Variants in NPNT observed in about 807,000 individuals in gnomAD.
The protein encoded by NPNT is nephronectin.
A neutral mutation model predicts 68.6 loss-of-function variants in NPNT; 45 were observed. The observed-to-expected ratio is 0.66, with a 90% CI of 0.52 to 0.84. The LOEUF is 0.84. NPNT is among the 40% of genes least tolerant of loss of function. NPNT has a pLI of 0.00. For synonymous variants in NPNT, 233 were observed against 253.3 expected, an observed-to-expected ratio of 0.92 and a Z score of 0.76; for missense variants, 672 against 714.8, an observed-to-expected ratio of 0.94 and a Z score of 0.68.
In NPNT at chr4:105,968,986, G is replaced by A. The variant is rs140913892; in HGVS notation, c.1694G>A (p.Arg565His). 1.8e-4 allele frequency: 284 copies of A among 1,556,726 alleles called. 2 individuals carry two copies. In the East Asian group the frequency reaches 5.7e-3, roughly 31 times the overall value. Residue 565 changes from arginine to histidine, a missense_variant, in exon 12 of 12, where the codon CGC becomes CAC. By Grantham distance (29) the Arg-to-His change is conservative. Transcript: ENST00000379987. ...SLKKGHCSEER is the reference protein window; with the variant it reads ...SLKKGHCSEEH ...AAAAAAGGCCACTGCTCTGAAGAAC[G>A]CTAACAACTCCAGAACTAACAATGA... is the stretch of plus-strand genomic sequence containing the variant.
At chr4:105,902,942 G>T (rs1044069770) in intron 2 of NPNT, 2 of 151,984 alleles carry the variant, frequency 1.3e-5, no homozygotes, top group African/African-American at 2.4e-5. Context: ...GCTTAATCTG[G>T]CCAGGTCTTA....
chr4:105,967,259 G>T lies in NPNT; in HGVS notation c.1417G>T (p.Gly473Cys), dbSNP rs35613262. 6.2e-7 allele frequency: 1 copy of T among 1,613,974 alleles called. No homozygotes were observed. The highest frequency in any genetic ancestry group is 8.5e-7 in the Non-Finnish European group (1 of 1,180,010). The part of the protein sequence containing the change: ...GKAARLVLPL[G>C]RLMHSGDLCL... ...AGCTGCACGCTTGGTGCTACCTCTCGGCCGCCTCATGCATTCAGGGGACCT... is the reference window on the plus strand; with the variant it reads ...AGCTGCACGCTTGGTGCTACCTCTCTGCCGCCTCATGCATTCAGGGGACCT... The change falls in exon 11 of 12, where the codon GGC (glycine) becomes TGC (cysteine). Residue 473 changes from glycine (G) to cysteine (C), a missense_variant. Physicochemically the swap from Gly to Cys is radical, Grantham distance 159 (BLOSUM62 -3). Coordinates refer to ENST00000379987, the MANE Select transcript of NPNT (RefSeq NM_001033047.3).
At chr4:105,929,443 C>A (rs913234795) in intron 3 of NPNT, 2 of 152,180 alleles carry the variant, frequency 1.3e-5, no homozygotes, top group African/African-American at 4.8e-5. Flanking sequence ...TGTTTTCTCT[C>A]TAATACTCTT....
intron 2 of NPNT, among the ~76,000 whole-genome samples, chr4:105,898,328 G>GTCTCTCTC (rs66945682): frequency 0.017 from 911 of 53,852 alleles, 81 homozygotes; most frequent in South Asian, 0.022. Context: ...CTCTCTCTCT[G>GTCTCTCTC]TCTCTCTCTC....
chr4:105,902,540 T>C (rs1415219189), intron 2 of NPNT, among the ~76,000 whole-genome samples: 1 of 152,204 alleles, frequency 6.6e-6, no homozygotes, highest in Non-Finnish European at 1.5e-5. Flanking sequence ...GAGGTGAGAA[T>C]GCAGAATCTG....
Position 105,967,237 on chromosome 4 carries a change from T to C in NPNT, c.1395T>C (p.Ala465=), listed in dbSNP as rs1311627417. ...VSAAKAPGGK[A]ARLVLPLGRL... ...CAGCCAAAGCCCCAGGGGGAAAAGC[T>C]GCACGCTTGGTGCTACCTCTCGGCC... is the stretch of plus-strand genomic sequence containing the variant. The change falls in exon 11 of 12, where the codon GCT becomes GCC. Residue 465 remains alanine, a synonymous_variant. Coordinates refer to ENST00000379987, the MANE Select transcript of NPNT (RefSeq NM_001033047.3). 6 of 1,614,038 alleles carry C rather than the reference T, an allele frequency of 3.7e-6. No homozygotes were observed. Among genetic ancestry groups the C allele is most frequent in the Non-Finnish European group, 5.1e-6 (6 of 1,180,016 alleles).
rs766308266 is a variant in NPNT at position 105,942,583 on chromosome 4, C to A, written c.1040C>A (p.Pro347Gln). 5.6e-6 allele frequency: 9 copies of A among 1,613,894 alleles called. No homozygotes were observed. The highest frequency in any genetic ancestry group is 1.7e-5 in the Admixed American group (1 of 59,940). ...ELRTPLPPTTPERPTTGLTTI... is the reference protein window; with the variant it reads ...ELRTPLPPTTQERPTTGLTTI... Reference sequence around the variant, plus strand: ...AGAACACCTCTACCACCTACAACCCCAGAAAGGCCAACCACCGGACTGACA... The same window carrying A: ...AGAACACCTCTACCACCTACAACCCAAGAAAGGCCAACCACCGGACTGACA... Residue 347 changes from proline to glutamine, a missense_variant, in exon 8 of 12, where the codon CCA becomes CAA. Transcript: ENST00000379987.
At chr4:105,940,935 T>A (rs1005976971) in intron 7 of NPNT, among the ~76,000 whole-genome samples, 1 of 152,190 alleles carries the variant, frequency 6.6e-6, no homozygotes, top group African/African-American at 2.4e-5. Context: ...TTGCTTTTGT[T>A]AAAATTAGAA....
intron 2 of NPNT, among the ~76,000 whole-genome samples, chr4:105,914,519 C>G (rs555388864): frequency 9.9e-5 from 14 of 141,006 alleles, no homozygotes; most frequent in South Asian, 2.2e-4. Flanking sequence ...CAGCTATTAC[C>G]TGCATGATCC....
At chr4:105,912,850 T>G (rs973245378) in intron 2 of NPNT, among the ~76,000 whole-genome samples, 4 of 152,178 alleles carry the variant, frequency 2.6e-5, no homozygotes, top group African/African-American at 9.7e-5. Context: ...ATGGAATTGA[T>G]TCTAAGAAGA....
chr4:105,942,214 G>C, intron 7 of NPNT, 93 bp from the exon 8 acceptor site: 2 of 952,328 alleles, frequency 2.1e-6, no homozygotes, highest in South Asian at 3.5e-5. Flanking sequence ...AATGATACCA[G>C]TTGTCATTAG....
intron 10 of NPNT, 108 bp downstream of exon 10, chr4:105,959,234 TGATA>T: frequency 1.5e-6 from 1 of 685,364 alleles, no homozygotes; most frequent in East Asian, 2.7e-5. Context: ...TGTGTTTACT[TGATA>T]AAGATGGTCA....
intron 2 of NPNT, among the ~76,000 whole-genome samples, chr4:105,910,021 C>T (rs1727232710): frequency 6.6e-6 from 1 of 150,758 alleles, no homozygotes. Flanking sequence ...TAATTCTTTA[C>T]AGTAAATGAA....
chr4:105,940,596 A>C lies in NPNT; in HGVS notation c.723A>C (p.Lys241Asn). 6.2e-7 allele frequency: 1 copy of C among 1,613,546 alleles called. No individual in the cohort carries two copies. Among genetic ancestry groups the C allele is most frequent in the Non-Finnish European group, 8.5e-7 (1 of 1,179,522 alleles). The stretch of plus-strand genomic sequence containing the variant: ...ACATACGTGGGTCCTACAAGTGCAA[A>C]TGTAAAGAAGGATACCAGGGTGATG... ...CYNIRGSYKC[K>N]CKEGYQGDGL... The change falls in exon 7 of 12, where the codon AAA becomes AAC. Residue 241 changes from lysine (K) to asparagine (N), a missense_variant. Lys to Asn is a moderately conservative substitution (Grantham distance 94). Transcript: ENST00000379987.
intron 2 of NPNT, among the ~76,000 whole-genome samples, chr4:105,917,777 G>A (rs1727939183): frequency 6.6e-6 from 1 of 152,100 alleles, no homozygotes; most frequent in Non-Finnish European, 1.5e-5. Context: ...GGAGGTACTC[G>A]AGAGTGTATT....
At chr4:105,897,872 TATTTA>T in intron 1 of NPNT, 24 bp from the exon 2 acceptor site, 1 of 1,535,552 alleles carries the variant, frequency 6.5e-7, no homozygotes, top group Non-Finnish European at 9.0e-7. Context: ...AAAGTGTCCT[TATTTA>T]TTTTGAATCT....
intron 8 of NPNT, among the ~76,000 whole-genome samples, chr4:105,952,043 G>A (rs892764064): frequency 2.0e-5 from 3 of 152,062 alleles, no homozygotes; most frequent in Admixed American, 6.6e-5. Flanking sequence ...GTAGTGCTTG[G>A]CATGTAGTAA....
intron 10 of NPNT, among the ~76,000 whole-genome samples, chr4:105,963,947 T>C (rs1435802544): frequency 6.6e-6 from 1 of 152,066 alleles, no homozygotes; most frequent in African/African-American, 2.4e-5. Context: ...TTGGATACAA[T>C]GGCATTCTCT....
At chr4:105,964,657 A>AT (rs1472631726) in intron 10 of NPNT, among the ~76,000 whole-genome samples, 1 of 151,934 alleles carries the variant, frequency 6.6e-6, no homozygotes, top group Non-Finnish European at 1.5e-5. Context: ...TATATTTGTC[A>AT]TTTTTTCTCT....
Sources: allele counts gnomAD v4.1 joint callset (sites outside exome capture counted in the v4.1 genomes callset), GRCh38; gene constraint gnomAD v4.1.1; transcripts MANE v1.5; gene names NCBI Gene and HGNC (gene_info 2026-07-23, HGNC 2026-07-21).